AGMO: variants seen among roughly 807,000 people sequenced by gnomAD.
The protein encoded by AGMO is glyceryl-ether monooxygenase.
AGMO carries 75 observed loss-of-function variants against 60.2 expected under a neutral mutation model. The observed-to-expected ratio is 1.25, with a 90% CI of 1.03 to 1.51. AGMO has a LOEUF of 1.51. Ranked by LOEUF, AGMO falls within the 40% of genes most tolerant of loss-of-function variation. The pLI, the probability that AGMO is intolerant of heterozygous loss-of-function variation, is 0.00. For synonymous variants in AGMO, 261 were observed against 177.1 expected, an observed-to-expected ratio of 1.47 and a Z score of -3.76; for missense variants, 763 against 525.5, an observed-to-expected ratio of 1.45 and a Z score of -4.42.
At chr7:15,215,507 T>G (rs1563038645) in intron 12 of AGMO, among the ~76,000 whole-genome samples, 1 of 151,992 alleles carries the variant, frequency 6.6e-6, no homozygotes, top group Admixed American at 6.6e-5. Context: ...TACATTTAAT[T>G]TTCAAAACAC....
chr7:15,522,905 A>T (rs1396279870), intron 3 of AGMO, among the ~76,000 whole-genome samples: 1 of 152,232 alleles, frequency 6.6e-6, no homozygotes, highest in African/African-American at 2.4e-5. Context: ...CGGCATGAAC[A>T]GACAACCTAC....
intron 12 of AGMO, among the ~76,000 whole-genome samples, chr7:15,205,153 A>G (rs759947027): frequency 1.3e-5 from 2 of 152,216 alleles, no homozygotes; most frequent in African/African-American, 4.8e-5. Flanking sequence ...ACCTATGTAC[A>G]TATCTGTCTC....
At chr7:15,287,993 AATG>A (rs1294512766) in intron 12 of AGMO, among the ~76,000 whole-genome samples, 1 of 152,128 alleles carries the variant, frequency 6.6e-6, no homozygotes, top group East Asian at 1.9e-4. Flanking sequence ...ACTTTCTAAA[AATG>A]ATAATGATTT....
intron 12 of AGMO, among the ~76,000 whole-genome samples, chr7:15,340,400 C>A (rs975049032): frequency 6.6e-6 from 1 of 152,164 alleles, no homozygotes; most frequent in African/African-American, 2.4e-5. Context: ...TTCAGGTCGG[C>A]TCTTTAGAGG....
chr7:15,385,454 C>G lies in AGMO; in HGVS notation c.1066G>C (p.Asp356His), dbSNP rs1290927158. 1.3e-6 allele frequency: 2 copies of G among 1,575,844 alleles called. No homozygotes were observed. Among genetic ancestry groups the G allele is most frequent in the Non-Finnish European group, 1.7e-6 (2 of 1,146,334 alleles). Reference sequence around the variant, plus strand: ...AAATGGATATTACTTACAGCTGTATCTGCAAAGGTCTCTTCATAAAATGCC... The same window carrying G: ...AAATGGATATTACTTACAGCTGTATGTGCAAAGGTCTCTTCATAAAATGCC... ...MLAFYEETFA[D>H]TAALSQVTLL... Residue 356 changes from aspartate to histidine, a missense_variant, in exon 10 of 13, where the codon GAT (aspartate) becomes CAT (histidine). Asp to His is a moderately conservative substitution (Grantham distance 81). Coordinates refer to ENST00000342526, the MANE Select transcript of AGMO (RefSeq NM_001004320.2).
At chr7:15,197,167 GTTT>G (rs552392058), downstream of AGMO, among the ~76,000 whole-genome samples, 25 of 151,902 alleles carry the variant, frequency 1.6e-4, no homozygotes, top group Non-Finnish European at 3.5e-4. Context: ...AAACTAGTCT[GTTT>G]TTTGCTATTT....
At chr7:15,119,134 T>C in the AGMO span, among the ~76,000 whole-genome samples, 2 of 151,874 alleles carry the variant, frequency 1.3e-5, no homozygotes, top group African/African-American at 4.8e-5. Flanking sequence ...TGATATGGTT[T>C]AGATCTGTGT....
chr7:15,172,743 C>G, the AGMO span, among the ~76,000 whole-genome samples: 1 of 152,050 alleles, frequency 6.6e-6, no homozygotes, highest in Non-Finnish European at 1.5e-5. Flanking sequence ...ATCTAGAATC[C>G]AGAATTGGTA....
intron 12 of AGMO, among the ~76,000 whole-genome samples, chr7:15,233,758 T>C (rs1320443806): frequency 1.3e-5 from 2 of 152,112 alleles, no homozygotes; most frequent in Admixed American, 6.6e-5. Context: ...TAAGATACTA[T>C]AGAACATATT....
intron 12 of AGMO, among the ~76,000 whole-genome samples, chr7:15,290,577 A>T (rs1255644220): frequency 2.0e-5 from 3 of 152,188 alleles, no homozygotes; most frequent in South Asian, 2.1e-4. Flanking sequence ...CATCTTGAAC[A>T]TAAGGAACAG....
chr7:15,561,175 C>G (rs756785240), intron 1 of AGMO, among the ~76,000 whole-genome samples: 1 of 152,090 alleles, frequency 6.6e-6, no homozygotes, highest in Admixed American at 6.6e-5. Context: ...ATTTCCACTT[C>G]CAATCATAGC....
At chr7:15,172,705 GGT>G in the AGMO span, among the ~76,000 whole-genome samples, 1 of 152,024 alleles carries the variant, frequency 6.6e-6, no homozygotes, top group Non-Finnish European at 1.5e-5. Flanking sequence ...ATGCTCCAGA[GGT>G]GTGAGGAAGA....
chr7:15,386,709 GAGT>G (rs1162824378), intron 9 of AGMO, among the ~76,000 whole-genome samples: 6 of 151,838 alleles, frequency 4.0e-5, no homozygotes, highest in Non-Finnish European at 1.5e-5. Flanking sequence ...TTGAAATTAA[GAGT>G]AGTTTACTCT....
intron 12 of AGMO, among the ~76,000 whole-genome samples, chr7:15,291,682 T>C (rs975515467): frequency 4.6e-5 from 7 of 152,004 alleles, no homozygotes; most frequent in Admixed American, 1.3e-4. Context: ...AAAGAGAGGA[T>C]TGAAACAGAA....
intron 12 of AGMO, among the ~76,000 whole-genome samples, chr7:15,354,482 GTATATACACACGTGTATATATATATATA>G (rs1782431831): frequency 5.0e-4 from 7 of 14,116 alleles, no homozygotes; most frequent in African/African-American, 1.8e-3. Context: ...ACACACGTGT[GTATATACACACGTGTATATATATATATA>G]TATATATATA....
At chr7:15,155,390 T>C in the AGMO span, among the ~76,000 whole-genome samples, 2 of 151,440 alleles carry the variant, frequency 1.3e-5, no homozygotes, top group Non-Finnish European at 2.9e-5. Flanking sequence ...TATTCTATTA[T>C]TAATGCTTCC....
At position 15,201,087 on chromosome 7, in the gene AGMO, G is replaced by A. The variant is rs1197780028; in HGVS notation, c.*198C>T. ...TCTTTTTTTAATTGTAGTAAAGGGGGGAAGTAACCAAAACTGACTTTAATT... is the reference window on the plus strand; with the variant it reads ...TCTTTTTTTAATTGTAGTAAAGGGGAGAAGTAACCAAAACTGACTTTAATT... On this transcript the variant is annotated 3_prime_UTR_variant, in exon 13 of 13. Transcript: ENST00000342526. 2.5e-6 allele frequency: 1 copy of A among 401,184 alleles called. No individual in the cohort carries two copies. Among genetic ancestry groups the A allele is most frequent in the African/African-American group, 2.1e-5 (1 of 48,212 alleles). 24.9% of individuals were successfully genotyped at this position (401,184 alleles called of 1,614,324 possible).
chr7:15,272,685 G>A (rs867765629), intron 12 of AGMO, among the ~76,000 whole-genome samples: 1 of 152,114 alleles, frequency 6.6e-6, no homozygotes, highest in Non-Finnish European at 1.5e-5. Context: ...TCTAGTTCTA[G>A]ATTCTTGAGG....
chr7:15,280,580 C>T (rs936354569), intron 12 of AGMO, among the ~76,000 whole-genome samples: 2 of 152,152 alleles, frequency 1.3e-5, no homozygotes, highest in Non-Finnish European at 2.9e-5. Context: ...GCTTGAAAAT[C>T]CAGAATACCT....
Sources: gnomAD v4.1 joint callset for allele counts (sites outside exome capture counted in the v4.1 genomes callset) on GRCh38, gnomAD v4.1.1 for gene constraint, MANE v1.5 for transcripts, NCBI Gene and HGNC (gene_info 2026-07-23, HGNC 2026-07-21) for gene names.